The following MRTFA variants were observed in gnomAD, a reference collection of about 807,000 sequenced individuals.
The protein encoded by MRTFA is myocardin-related transcription factor A.
MRTFA carries 20 observed loss-of-function variants against 83.5 expected under a neutral mutation model. The ratio of observed to expected loss-of-function variants is 0.24; its 90% CI spans 0.17 to 0.35. The LOEUF (loss-of-function observed/expected upper bound fraction) is 0.35, where lower values mean the gene tolerates loss of function less well. Ranked by LOEUF, MRTFA falls within the 10% of genes least tolerant of loss-of-function variation. The pLI is 1.00. For synonymous variants in MRTFA, 659 were observed against 541.2 expected, an observed-to-expected ratio of 1.22 and a Z score of -3.02; for missense variants, 1,200 against 1,224.7, an observed-to-expected ratio of 0.98 and a Z score of 0.30.
In MRTFA at chr22:40,426,522, G is replaced by A. The variant is rs140921044; in HGVS notation, c.602-2141C>T. Among the ~76,000 whole-genome samples, 402 of 152,180 alleles carry A rather than the reference G, an allele frequency of 2.6e-3. 2 individuals carry two copies. Among genetic ancestry groups the A allele is most frequent in the African/African-American group, 9.2e-3 (384 of 41,518 alleles). Reference sequence around the variant, plus strand: ...TCTGGTTTTTGCTGGCAAATGCTCTGTGCTCCTTAAAGTCCCCAACAATCA... The same window carrying A: ...TCTGGTTTTTGCTGGCAAATGCTCTATGCTCCTTAAAGTCCCCAACAATCA... On this transcript the variant is annotated intron_variant, in intron 7 of 14. Transcript: ENST00000355630.
chr22:40,513,882 G>A (rs931827362), intron 3 of MRTFA, among the ~76,000 whole-genome samples: 1 of 151,850 alleles, frequency 6.6e-6, no homozygotes, highest in African/African-American at 2.4e-5. Flanking sequence ...AGAATCACTT[G>A]AGCCAGGAGT....
chr22:40,601,822 T>C (rs1158233259), intron 1 of MRTFA, among the ~76,000 whole-genome samples: 3 of 152,020 alleles, frequency 2.0e-5, no homozygotes, highest in East Asian at 3.9e-4. Context: ...ATAAATAATA[T>C]AAAGCTTGAA....
At chr22:40,412,453 C>T (rs748405861) in intron 14 of MRTFA, 5 of 152,280 alleles carry the variant, frequency 3.3e-5, no homozygotes, top group South Asian at 2.1e-4. Context: ...ATAGAATTAC[C>T]ATATGATCTA....
At chr22:40,474,814 A>T (rs762719572) in intron 3 of MRTFA, among the ~76,000 whole-genome samples, 1 of 152,156 alleles carries the variant, frequency 6.6e-6, no homozygotes, top group Non-Finnish European at 1.5e-5. Context: ...TGTTCCCATA[A>T]TTCAATTCAT....
chr22:40,559,990 C>T (rs572822153), intron 2 of MRTFA, among the ~76,000 whole-genome samples: 1 of 152,202 alleles, frequency 6.6e-6, no homozygotes, highest in African/African-American at 2.4e-5. Flanking sequence ...CACACACACA[C>T]ACTTTACCAA....
chr22:40,461,689 T>G (rs1442261114), intron 4 of MRTFA, among the ~76,000 whole-genome samples: 1 of 151,290 alleles, frequency 6.6e-6, no homozygotes, highest in Non-Finnish European at 1.5e-5. Context: ...GTCCCAGCTA[T>G]TTGGGAGGCT....
rs1264776532 is a variant in MRTFA, at chr22:40,517,633, T to C, written c.241+34473A>G. On this transcript the variant is annotated intron_variant, in intron 3 of 14. Coordinates refer to ENST00000355630, the MANE Select transcript of MRTFA (RefSeq NM_020831.6). ...GCAATGTTGTGATTTATAATAAATA[T>C]ATATTTGGTCTTTGTCTTCACTCCT... Among the ~76,000 whole-genome samples the C allele has an allele frequency of 2.0e-5, 3 of 152,170 alleles. No homozygotes were observed. The East Asian group carries it at 5.8e-4, about 29-fold the overall frequency.
chr22:40,549,979 A>AC (rs897954696), intron 3 of MRTFA, among the ~76,000 whole-genome samples: 4 of 150,974 alleles, frequency 2.6e-5, no homozygotes, highest in African/African-American at 9.7e-5. Context: ...AACCCGGGAG[A>AC]CGGAGGCTGC....
intron 2 of MRTFA, among the ~76,000 whole-genome samples, chr22:40,581,729 G>GA (rs1336607228): frequency 1.3e-5 from 2 of 151,594 alleles, no homozygotes; most frequent in Non-Finnish European, 2.9e-5. Context: ...CCTACAATAG[G>GA]AAAAAAAAGT....
intron 3 of MRTFA, among the ~76,000 whole-genome samples, chr22:40,507,972 CAAAAAAAAAAA>C (rs11315930): frequency 9.3e-4 from 35 of 37,550 alleles, no homozygotes; most frequent in Middle Eastern, 0.031. Context: ...GACTCCACCT[CAAAAAAAAAAA>C]AAAAAAAAAA....
At chr22:40,502,138 G>A (rs2054496389) in intron 3 of MRTFA, among the ~76,000 whole-genome samples, 1 of 143,384 alleles carries the variant, frequency 7.0e-6, no homozygotes, top group African/African-American at 2.6e-5. Context: ...CCCGGACGGG[G>A]CGGCTGGCCG....
chr22:40,545,756 G>T (rs150399431), intron 3 of MRTFA, among the ~76,000 whole-genome samples: 3 of 138,904 alleles, frequency 2.2e-5, no homozygotes, highest in African/African-American at 8.1e-5. Flanking sequence ...TTTTTGACAT[G>T]GAGTCTTGCT....
At chr22:40,467,355 T>G (rs1357456296) in intron 3 of MRTFA, among the ~76,000 whole-genome samples, 1 of 152,230 alleles carries the variant, frequency 6.6e-6, no homozygotes, top group East Asian at 1.9e-4. Flanking sequence ...TTTATGTTTA[T>G]CTGTGTAGAC....
At chr22:40,555,523 C>CA in intron 2 of MRTFA, among the ~76,000 whole-genome samples, 1 of 152,164 alleles carries the variant, frequency 6.6e-6, no homozygotes, top group South Asian at 2.1e-4. Context: ...TCCTTGATGG[C>CA]ACCATCCTTG....
At chr22:40,537,044 C>A (rs1317056694) in intron 3 of MRTFA, among the ~76,000 whole-genome samples, 1 of 12,380 alleles carries the variant, frequency 8.1e-5, no homozygotes, top group Non-Finnish European at 1.5e-4. Flanking sequence ...CCCGGCCAGC[C>A]GCCCCGTCCG....
At chr22:40,624,425 C>CAAAAAAAAAAA (rs35882157) in intron 1 of MRTFA, among the ~76,000 whole-genome samples, 1 of 62,756 alleles carries the variant, frequency 1.6e-5, no homozygotes, top group African/African-American at 5.2e-5. Flanking sequence ...GACTCCAACT[C>CAAAAAAAAAAA]AAAAAAAAAA....
At chr22:40,544,429 G>C (rs1040422274) in intron 3 of MRTFA, among the ~76,000 whole-genome samples, 4 of 152,138 alleles carry the variant, frequency 2.6e-5, no homozygotes, top group African/African-American at 9.7e-5. Context: ...GTCTTGCTAT[G>C]TTGCCTAGGT....
intron 2 of MRTFA, among the ~76,000 whole-genome samples, chr22:40,577,474 A>C (rs1412270925): frequency 6.6e-6 from 1 of 152,128 alleles, no homozygotes. Flanking sequence ...CACCATTTTC[A>C]CTTCAAACAT....
At chr22:40,527,718 C>G (rs1328427317) in intron 3 of MRTFA, among the ~76,000 whole-genome samples, 2 of 147,590 alleles carry the variant, frequency 1.4e-5, no homozygotes, top group Admixed American at 1.4e-4. Flanking sequence ...GAGATCGCAT[C>G]ACTGCACTCC....
Sources: gnomAD v4.1 joint callset for allele counts (sites outside exome capture counted in the v4.1 genomes callset) on GRCh38, gnomAD v4.1.1 for gene constraint, MANE v1.5 for transcripts, NCBI Gene and HGNC (gene_info 2026-07-23, HGNC 2026-07-21) for gene names.